LARGE1: variants seen among roughly 807,000 people sequenced by gnomAD.
The protein encoded by LARGE1 is LARGE xylosyl- and glucuronyltransferase 1, also known as xylosyl- and glucuronyltransferase LARGE1.
Under a neutral mutation model 87.6 loss-of-function variants are expected in LARGE1, and 43 were observed. The ratio of observed to expected loss-of-function variants is 0.49; its 90% confidence interval spans 0.38 to 0.63. The LOEUF is 0.63. Ranked by LOEUF, LARGE1 falls within the 30% of genes least tolerant of loss-of-function variation. The pLI, the probability that LARGE1 is intolerant of heterozygous loss-of-function variation, is 0.00. For synonymous variants in LARGE1, 434 were observed against 394.6 expected, an observed-to-expected ratio of 1.10 and a Z score of -1.18; for missense variants, 802 against 1,000.2, an observed-to-expected ratio of 0.80 and a Z score of 2.67.
chr22:33,618,562 T>A (rs139552180), intron 4 of LARGE1, among the ~76,000 whole-genome samples: 1 of 152,346 alleles, frequency 6.6e-6, no homozygotes, highest in African/African-American at 2.4e-5. Flanking sequence ...ATTGATCTCT[T>A]ACCTGTTCAA....
At chr22:33,453,666 T>C (rs914544138) in intron 6 of LARGE1, among the ~76,000 whole-genome samples, 2 of 152,192 alleles carry the variant, frequency 1.3e-5, no homozygotes, top group East Asian at 1.9e-4. Flanking sequence ...CTTCATTCTG[T>C]CTGTGTCCAT....
At chr22:33,099,425 G>A in the LARGE1 span, among the ~76,000 whole-genome samples, 50 of 151,982 alleles carry the variant, frequency 3.3e-4, 1 homozygote, top group African/African-American at 9.9e-4. Flanking sequence ...GGCTAATTGT[G>A]TATTTTTAGT....
chr22:33,242,287 C>T (rs148731963), intron 11 of LARGE1, among the ~76,000 whole-genome samples: 1 of 152,260 alleles, frequency 6.6e-6, no homozygotes, highest in East Asian at 1.9e-4. Context: ...ATTCATTCTG[C>T]TCCCAGAACT....
At chr22:33,848,898 G>T (rs4334577) in intron 1 of LARGE1, among the ~76,000 whole-genome samples, 3 of 151,884 alleles carry the variant, frequency 2.0e-5, no homozygotes, top group Non-Finnish European at 4.4e-5. Context: ...TTAAAGAATC[G>T]AAAAGGCTAA....
chr22:33,560,435 A>G (rs979242893), intron 6 of LARGE1, among the ~76,000 whole-genome samples: 1 of 152,056 alleles, frequency 6.6e-6, no homozygotes, highest in Non-Finnish European at 1.5e-5. Context: ...TGAGAATTTT[A>G]CTCTGTGGCA....
chr22:33,104,941 TTCTTTC>T, the LARGE1 span, among the ~76,000 whole-genome samples: 1 of 135,602 alleles, frequency 7.4e-6, no homozygotes, highest in Non-Finnish European at 1.6e-5. Flanking sequence ...CTTTCTTTCT[TTCTTTC>T]TCTTTCTCTC....
chr22:33,357,455 T>C (rs1941001124), intron 9 of LARGE1, among the ~76,000 whole-genome samples: 1 of 152,210 alleles, frequency 6.6e-6, no homozygotes, highest in African/African-American at 2.4e-5. Flanking sequence ...TTCATCACTA[T>C]GTAATATATC....
intron 1 of LARGE1, among the ~76,000 whole-genome samples, chr22:33,791,018 C>T (rs758987822): frequency 6.6e-6 from 1 of 152,078 alleles, no homozygotes; most frequent in Non-Finnish European, 1.5e-5. Context: ...TTTTACCTAC[C>T]ACAAACACAA....
chr22:33,744,825 G>T (rs565402263), intron 2 of LARGE1, among the ~76,000 whole-genome samples: 37 of 152,314 alleles, frequency 2.4e-4, no homozygotes, highest in African/African-American at 8.4e-4. Flanking sequence ...CTGTATATAT[G>T]GTGGGTGAGA....
intron 7 of LARGE1, among the ~76,000 whole-genome samples, chr22:33,405,614 C>G (rs865857851): frequency 1.5e-4 from 23 of 152,288 alleles, no homozygotes; most frequent in African/African-American, 5.5e-4. Flanking sequence ...GGGGCAGGAG[C>G]CTTCTGCTTT....
Position 33,458,433 on chromosome 22 carries a change from A to AT in LARGE1, c.788-26169dup, listed in dbSNP as rs2068232671. On this transcript the variant is annotated intron_variant, in intron 6 of 14. Coordinates refer to ENST00000397394, the MANE Select transcript of LARGE1 (RefSeq NM_133642.5). ...ATGTCTATTTTTACTGTTATTTTTT[A>AT]TTTTTTTATTTTTTTAAGACAGAGT... Among the ~76,000 whole-genome samples the AT allele has an allele frequency of 1.5e-5, 2 of 134,642 alleles. 1 individual carries two copies. Among genetic ancestry groups the AT allele is most frequent in the Middle Eastern group, 0.01 (2 of 194 alleles). 88.3% of individuals were successfully genotyped at this position (134,642 alleles called of 152,430 possible).
chr22:33,848,758 G>C (rs561342413), intron 1 of LARGE1, among the ~76,000 whole-genome samples: 1 of 152,314 alleles, frequency 6.6e-6, no homozygotes, highest in Non-Finnish European at 1.5e-5. Context: ...ATGGATCCCA[G>C]AGGGCCTCTG....
chr22:33,780,923 T>C (rs2085399193), intron 1 of LARGE1, among the ~76,000 whole-genome samples: 1 of 152,224 alleles, frequency 6.6e-6, no homozygotes, highest in Admixed American at 6.5e-5. Context: ...GTAAACACTC[T>C]GGTTAATAAG....
chr22:33,108,544 G>A, the LARGE1 span: 3 of 152,172 alleles, frequency 2.0e-5, no homozygotes, highest in Non-Finnish European at 4.4e-5. Context: ...TGTGCACGGT[G>A]GGGCAGGAAG....
intron 10 of LARGE1, among the ~76,000 whole-genome samples, chr22:33,324,124 C>T (rs980914904): frequency 2.7e-5 from 4 of 146,282 alleles, no homozygotes; most frequent in Admixed American, 1.4e-4. Context: ...CCCATCTACT[C>T]GGGAGGCTAA....
intron 5 of LARGE1, among the ~76,000 whole-genome samples, chr22:33,568,382 C>T (rs528370495): frequency 5.9e-5 from 9 of 152,230 alleles, no homozygotes; most frequent in South Asian, 4.1e-4. Flanking sequence ...GTGAGGGTTA[C>T]GGCAAGAGAG....
intron 10 of LARGE1, among the ~76,000 whole-genome samples, chr22:33,316,615 G>T (rs1223564017): frequency 1.3e-5 from 2 of 152,170 alleles, no homozygotes; most frequent in East Asian, 3.9e-4. Context: ...GAGGTGTGTG[G>T]CTGTAGTGCT....
At chr22:33,343,770 T>C (rs1229191099) in intron 9 of LARGE1, among the ~76,000 whole-genome samples, 1 of 152,188 alleles carries the variant, frequency 6.6e-6, no homozygotes, top group Non-Finnish European at 1.5e-5. Flanking sequence ...AGTGAGTACA[T>C]GCTCAAGCTT....
Position 33,706,283 on chromosome 22 carries a change from C to T in LARGE1, c.106+55088G>A, listed in dbSNP as rs377256869. ...AACATGGATCACACGGCTCAGCCCA[C>T]ACCCCCACACAAGCCTCCAGGGTAC... On this transcript the variant is annotated intron_variant, in intron 2 of 14. Coordinates refer to ENST00000397394, the MANE Select transcript of LARGE1 (RefSeq NM_133642.5). Among the ~76,000 whole-genome samples, 14 of 152,286 alleles carry T rather than the reference C, an allele frequency of 9.2e-5. 1 individual carries two copies. The East Asian group carries it at 2.7e-3, about 30-fold the overall frequency.
Sources: allele counts gnomAD v4.1 joint callset (sites outside exome capture counted in the v4.1 genomes callset), GRCh38; gene constraint gnomAD v4.1.1; transcripts MANE v1.5; gene names NCBI Gene and HGNC (gene_info 2026-07-23, HGNC 2026-07-21).